Variants in ST6GALNAC3 observed in about 807,000 individuals in gnomAD.
ST6GALNAC3 encodes ST6 N-acetylgalactosaminide alpha-2,6-sialyltransferase 3.
Under a neutral mutation model 32.7 loss-of-function variants are expected in ST6GALNAC3, and 25 were observed. That is an observed-to-expected ratio of 0.76 (90% confidence interval 0.56 to 1.07). The LOEUF (loss-of-function observed/expected upper bound fraction) is 1.07. ST6GALNAC3 is among the 50% of genes least tolerant of loss of function. The pLI is 0.00. For synonymous variants in ST6GALNAC3, 129 were observed against 133.1 expected (o/e 0.97, Z 0.21); for missense variants, 355 against 382.4 (o/e 0.93, Z 0.60).
At chr1:76,213,152 A>C (rs1163959229) in intron 1 of ST6GALNAC3, among the ~76,000 whole-genome samples, 4 of 152,148 alleles carry the variant, frequency 2.6e-5, no homozygotes, top group South Asian at 4.1e-4. Flanking sequence ...ACTCACTCTC[A>C]AGTGTTGTTG....
At chr1:76,320,572 G>T (rs137877305) in intron 2 of ST6GALNAC3, among the ~76,000 whole-genome samples, 1,606 of 152,122 alleles carry the variant, frequency 0.011, 37 homozygotes, top group African/African-American at 0.037. Flanking sequence ...CTGACTTCCA[G>T]AGAAGGAAGT....
At chr1:76,094,393 A>G (rs568501277) in intron 1 of ST6GALNAC3, among the ~76,000 whole-genome samples, 23 of 152,350 alleles carry the variant, frequency 1.5e-4, no homozygotes, top group South Asian at 1.4e-3. Flanking sequence ...AATAGCTAGC[A>G]TTTATTGAGA....
Position 76,247,377 on chromosome 1 carries a change from C to G in ST6GALNAC3, c.19-66428C>G, listed in dbSNP as rs746384733. ...CAGGATCAGCTGTTCTCTTTAGAGCCGGCAGGCAGGAGAGATTAAGTCCAC... is the reference window on the plus strand; with the variant it reads ...CAGGATCAGCTGTTCTCTTTAGAGCGGGCAGGCAGGAGAGATTAAGTCCAC... On this transcript the variant is annotated intron_variant, in intron 1 of 4. Coordinates refer to ENST00000328299, the MANE Select transcript of ST6GALNAC3 (RefSeq NM_152996.4). Among the ~76,000 whole-genome samples the G allele has an allele frequency of 2.0e-5, 3 of 152,124 alleles. No homozygotes were observed. The South Asian group carries it at 6.2e-4, about 32-fold the overall frequency.
At chr1:76,430,837 G>A (rs909969008) in intron 3 of ST6GALNAC3, among the ~76,000 whole-genome samples, 14 of 152,088 alleles carry the variant, frequency 9.2e-5, no homozygotes, top group African/African-American at 3.1e-4. Context: ...AATTTCGTAA[G>A]CACTTGAAGA....
rs1372982652 is a variant in ST6GALNAC3, at chr1:76,200,334, GCAA to G, written c.19-113468_19-113466del. Among the ~76,000 whole-genome samples the G allele has an allele frequency of 3.9e-5, 6 of 152,182 alleles. No homozygotes were observed. The East Asian group carries it at 1.2e-3, about 29-fold the overall frequency. On this transcript the variant is annotated intron_variant, in intron 1 of 4. Transcript: ENST00000328299. ...AATGAATGGGGAGAAGCAAAGACAA[GCAA>G]CAGAGAGAAAGAATTCCCAGTCATT...
At chr1:76,440,161 G>A (rs1052291300) in intron 3 of ST6GALNAC3, among the ~76,000 whole-genome samples, 6 of 152,320 alleles carry the variant, frequency 3.9e-5, no homozygotes, top group African/African-American at 1.4e-4. Flanking sequence ...AATAACCTGA[G>A]TAAAGAGACG....
At chr1:76,634,943 C>T (rs1485105305), downstream of ST6GALNAC3, among the ~76,000 whole-genome samples, 2 of 42,138 alleles carry the variant, frequency 4.7e-5, 1 homozygote, top group Non-Finnish European at 9.1e-5. Flanking sequence ...TCGTGATCCG[C>T]CCGCCTCGGC....
intron 1 of ST6GALNAC3, among the ~76,000 whole-genome samples, chr1:76,121,693 G>A (rs1051579509): frequency 1.1e-4 from 17 of 152,066 alleles, no homozygotes; most frequent in African/African-American, 3.9e-4. Context: ...TCCAGCCTGG[G>A]CAACAGAGCC....
chr1:76,551,914 T>C (rs1664660037), intron 3 of ST6GALNAC3, among the ~76,000 whole-genome samples: 1 of 152,162 alleles, frequency 6.6e-6, no homozygotes, highest in Non-Finnish European at 1.5e-5. Context: ...TTCAGTTGCA[T>C]GTCAGCTCCA....
At chr1:76,275,924 G>A (rs553622723) in intron 1 of ST6GALNAC3, among the ~76,000 whole-genome samples, 5 of 152,194 alleles carry the variant, frequency 3.3e-5, no homozygotes, top group East Asian at 3.9e-4. Flanking sequence ...CAAAGTACTC[G>A]TTTCATTCTT....
Position 76,453,601 on chromosome 1 carries a change from C to T in ST6GALNAC3, c.623+41184C>T, listed in dbSNP as rs183290919. On this transcript the variant is annotated intron_variant, in intron 3 of 4. Transcript: ENST00000328299. Reference sequence around the variant, plus strand: ...TTGCGTGGTTCTGAGGGTTCCTTTTCGAGTTGATTTCCAGTTTTATTCCAC... The same window carrying T: ...TTGCGTGGTTCTGAGGGTTCCTTTTTGAGTTGATTTCCAGTTTTATTCCAC... 3.9e-4 allele frequency among the ~76,000 whole-genome samples: 59 copies of T among 152,038 alleles called. No individual in the cohort carries two copies. In the East Asian group the frequency reaches 5.6e-3, roughly 14 times the overall value.
chr1:76,610,925 G>A (rs1018428342), intron 3 of ST6GALNAC3, among the ~76,000 whole-genome samples: 4 of 152,072 alleles, frequency 2.6e-5, no homozygotes, highest in South Asian at 2.1e-4. Context: ...GCCCAGCTAC[G>A]TGCTAGGTAT....
intron 1 of ST6GALNAC3, among the ~76,000 whole-genome samples, chr1:76,142,002 A>G (rs544782782): frequency 1.1e-3 from 172 of 152,324 alleles, no homozygotes; most frequent in Middle Eastern, 3.4e-3. Context: ...AGGGCAACAG[A>G]ATCTCCAGGG....
At chr1:76,471,015 G>T (rs536114634) in intron 3 of ST6GALNAC3, among the ~76,000 whole-genome samples, 3 of 152,170 alleles carry the variant, frequency 2.0e-5, no homozygotes, top group Non-Finnish European at 4.4e-5. Flanking sequence ...ATACCCTGTG[G>T]TCAATTTTTC....
chr1:76,369,971 T>G (rs949359713), intron 2 of ST6GALNAC3, among the ~76,000 whole-genome samples: 11 of 152,214 alleles, frequency 7.2e-5, no homozygotes, highest in African/African-American at 2.7e-4. Flanking sequence ...ACTAAGTGTT[T>G]TTCACTGTTT....
At chr1:76,206,333 G>T (rs193275462) in intron 1 of ST6GALNAC3, among the ~76,000 whole-genome samples, 26 of 152,210 alleles carry the variant, frequency 1.7e-4, no homozygotes, top group African/African-American at 6.3e-4. Flanking sequence ...TGCGGAAAGA[G>T]TGTGACCATT....
chr1:76,573,752 T>G (rs2100510531), intron 3 of ST6GALNAC3, among the ~76,000 whole-genome samples: 1 of 152,050 alleles, frequency 6.6e-6, no homozygotes, highest in Non-Finnish European at 1.5e-5. Context: ...ATAAACACAT[T>G]TGTGAGTTTT....
intron 2 of ST6GALNAC3, among the ~76,000 whole-genome samples, chr1:76,378,963 C>G (rs372982006): frequency 6.6e-6 from 1 of 152,174 alleles, no homozygotes; most frequent in African/African-American, 2.4e-5. Context: ...GTGGCGCGAT[C>G]TTGGCTCACT....
rs141705739 is a variant in ST6GALNAC3, at chr1:76,387,947, G to A, written c.214-24061G>A. On this transcript the variant is annotated intron_variant, in intron 2 of 4. Coordinates refer to ENST00000328299, the MANE Select transcript of ST6GALNAC3 (RefSeq NM_152996.4). ...ACAAAGTAGTAAACTAGCCTGCTTT[G>A]GGTTTCAAGGTGAGTCTCCGGTGGA... Among the ~76,000 whole-genome samples the A allele has an allele frequency of 3.0e-3, 452 of 152,164 alleles. 1 individual carries two copies. The highest frequency in any genetic ancestry group is 0.01 in the African/African-American group (429 of 41,516).
Sources: gnomAD v4.1 joint callset for allele counts (sites outside exome capture counted in the v4.1 genomes callset) on GRCh38, gnomAD v4.1.1 for gene constraint, MANE v1.5 for transcripts, NCBI Gene and HGNC (gene_info 2026-07-23, HGNC 2026-07-21) for gene names.